B3GLCT: variants seen among roughly 807,000 people sequenced by gnomAD.
B3GLCT encodes the protein beta 3-glucosyltransferase.
A neutral mutation model predicts 63.4 loss-of-function variants in B3GLCT; 65 were observed. That is an observed-to-expected ratio of 1.03 (90% confidence interval 0.84 to 1.26). The LOEUF (loss-of-function observed/expected upper bound fraction) is 1.26, where lower values mean the gene tolerates loss of function less well. B3GLCT is among the 50% of genes most tolerant of loss of function. The pLI is 0.00. For synonymous variants in B3GLCT, 233 were observed against 219.2 expected, an observed-to-expected ratio of 1.06 and a Z score of -0.55; for missense variants, 577 against 604.8, an observed-to-expected ratio of 0.95 and a Z score of 0.48.
At chr13:31,312,060 T>C (rs761043142) in intron 12 of B3GLCT, among the ~76,000 whole-genome samples, 3 of 152,138 alleles carry the variant, frequency 2.0e-5, no homozygotes, top group Non-Finnish European at 4.4e-5. Flanking sequence ...GAAAAGACTT[T>C]GATGTGGGCA....
chr13:31,263,898 G>A (rs912931967), intron 7 of B3GLCT, among the ~76,000 whole-genome samples: 3 of 152,142 alleles, frequency 2.0e-5, no homozygotes, highest in African/African-American at 7.2e-5. Context: ...AGGCATCTTA[G>A]TCTGTTTGGG....
chr13:31,287,910 C>G (rs1485872466), intron 12 of B3GLCT, among the ~76,000 whole-genome samples: 1 of 152,112 alleles, frequency 6.6e-6, no homozygotes, highest in Admixed American at 6.5e-5. Flanking sequence ...AAGAAAGTAT[C>G]AGTGAACTCG....
chr13:31,301,689 T>C (rs1874230220), intron 12 of B3GLCT, among the ~76,000 whole-genome samples: 1 of 152,242 alleles, frequency 6.6e-6, no homozygotes, highest in African/African-American at 2.4e-5. Flanking sequence ...GTTACCTTGA[T>C]TAACCAGTCT....
chr13:31,243,606 T>C (rs56250327), intron 4 of B3GLCT, among the ~76,000 whole-genome samples: 1 of 152,216 alleles, frequency 6.6e-6, no homozygotes, highest in East Asian at 1.9e-4. Flanking sequence ...AGCTGTGATA[T>C]TGGAATCAAA....
At chr13:31,276,973 A>C (rs1185772371) in intron 10 of B3GLCT, among the ~76,000 whole-genome samples, 1 of 152,168 alleles carries the variant, frequency 6.6e-6, no homozygotes, top group African/African-American at 2.4e-5. Context: ...TTTTGTATTG[A>C]AACGTGAGTG....
At chr13:31,209,197 G>T (rs1398462451) in intron 1 of B3GLCT, among the ~76,000 whole-genome samples, 6 of 152,252 alleles carry the variant, frequency 3.9e-5, no homozygotes, top group Non-Finnish European at 4.4e-5. Context: ...CTACTGTGGG[G>T]ACAGGGGACA....
chr13:31,215,005 A>G (rs1197662380), intron 1 of B3GLCT, 46 bp from the exon 2 acceptor site: 2 of 1,515,822 alleles, frequency 1.3e-6, no homozygotes, highest in Non-Finnish European at 1.8e-6. Flanking sequence ...ATTAACCTGA[A>G]TTGCTAATTC....
chr13:31,229,328 T>A, intron 4 of B3GLCT, 34 bp downstream of exon 4: 1 of 1,260,926 alleles, frequency 7.9e-7, no homozygotes, highest in Non-Finnish European at 1.2e-6. Context: ...CTGCCAGTTA[T>A]GTATTTCTTG....
At chr13:31,270,273 A>G (rs1872525033) in intron 8 of B3GLCT, among the ~76,000 whole-genome samples, 1 of 152,250 alleles carries the variant, frequency 6.6e-6, no homozygotes, top group South Asian at 2.1e-4. Context: ...CTTGACATGT[A>G]ATTCAGTCCA....
intron 8 of B3GLCT, among the ~76,000 whole-genome samples, chr13:31,272,835 A>G (rs1178612944): frequency 6.6e-6 from 1 of 152,148 alleles, no homozygotes; most frequent in Admixed American, 6.5e-5. Context: ...TTATTAACTC[A>G]TCATATATTT....
At chr13:31,318,409 T>C (rs1875163442) in intron 13 of B3GLCT, among the ~76,000 whole-genome samples, 1 of 152,204 alleles carries the variant, frequency 6.6e-6, no homozygotes, top group Non-Finnish European at 1.5e-5. Context: ...ATTCCTACTT[T>C]GCAATTCCCT....
rs59719685 is a variant in B3GLCT, at chr13:31,212,267, C to CTTT, written c.71-2761_71-2759dup. On this transcript the variant is annotated intron_variant, in intron 1 of 14. Transcript: ENST00000343307. ...GACAGGCATGCTCTAGCATAACTGGCTTTTTTTTTTTTTTTTTTTTTTTTT... is the reference window on the plus strand; with the variant it reads ...GACAGGCATGCTCTAGCATAACTGGCTTTTTTTTTTTTTTTTTTTTTTTTTTTT... Among the ~76,000 whole-genome samples the CTTT allele has an allele frequency of 5.8e-4, 53 of 91,626 alleles. 1 individual carries two copies. Among genetic ancestry groups the CTTT allele is most frequent in the African/African-American group, 1.6e-3 (35 of 21,312 alleles). 60.1% of individuals were successfully genotyped at this position (91,626 alleles called of 152,430 possible).
At chr13:31,287,770 A>G (rs1873418085) in intron 12 of B3GLCT, among the ~76,000 whole-genome samples, 1 of 152,198 alleles carries the variant, frequency 6.6e-6, no homozygotes, top group South Asian at 2.1e-4. Flanking sequence ...CCTCTATTCC[A>G]TATGTTCAAA....
chr13:31,289,916 T>C (rs1010165572), intron 12 of B3GLCT, among the ~76,000 whole-genome samples: 24 of 152,116 alleles, frequency 1.6e-4, no homozygotes, highest in African/African-American at 4.1e-4. Context: ...ATGCAAAATG[T>C]GCAGGTTTGT....
intron 1 of B3GLCT, among the ~76,000 whole-genome samples, chr13:31,209,850 T>A (rs1251823041): frequency 6.6e-6 from 1 of 152,234 alleles, no homozygotes; most frequent in Non-Finnish European, 1.5e-5. Context: ...CTGTTCCGTT[T>A]GGTTTCTATG....
chr13:31,241,123 G>A (rs151298285), intron 4 of B3GLCT, among the ~76,000 whole-genome samples: 5 of 152,354 alleles, frequency 3.3e-5, no homozygotes, highest in East Asian at 1.9e-4. Context: ...TTGGAAGGCT[G>A]TGTCATGACC....
chr13:31,284,685 T>C lies in B3GLCT; in HGVS notation c.888T>C (p.Ser296=). The C allele has an allele frequency of 6.2e-7, 1 of 1,611,584 alleles. No homozygotes were observed. The highest frequency in any genetic ancestry group is 8.5e-7 in the Non-Finnish European group (1 of 1,177,756). ...IVKQTWESQA[S]LIEYYSDYTE... is the part of the protein sequence containing the mutation. ...AGCAGACTTGGGAGAGCCAGGCAAG[T>C]CTCATTGAATACTATAGTGACTATA... Residue 296 remains serine, a synonymous_variant, in exon 11 of 15, where the codon AGT becomes AGC. Transcript: ENST00000343307.
At chr13:31,262,790 C>G (rs1482496326) in intron 7 of B3GLCT, among the ~76,000 whole-genome samples, 1 of 152,146 alleles carries the variant, frequency 6.6e-6, no homozygotes, top group Non-Finnish European at 1.5e-5. Context: ...TCTTCTCATC[C>G]TCGGCCACAG....
At chr13:31,275,331 G>A (rs984126934) in intron 9 of B3GLCT, among the ~76,000 whole-genome samples, 2 of 152,244 alleles carry the variant, frequency 1.3e-5, no homozygotes, top group African/African-American at 4.8e-5. Context: ...TACACAGCTA[G>A]TAGGGAGGGA....
Sources: gnomAD v4.1 joint callset for allele counts (sites outside exome capture counted in the v4.1 genomes callset) on GRCh38, gnomAD v4.1.1 for gene constraint, MANE v1.5 for transcripts, NCBI Gene and HGNC (gene_info 2026-07-23, HGNC 2026-07-21) for gene names.